Variants in RFC5 observed in about 807,000 individuals in gnomAD.
RFC5 encodes A1 36 kDa subunit.
In RFC5, 26 loss-of-function variants were observed where a neutral mutation model predicts 44.3. The ratio of observed to expected loss-of-function variants is 0.59; its 90% CI spans 0.43 to 0.81. The LOEUF is 0.81. RFC5 is among the 40% of genes least tolerant of loss of function. The pLI is 0.00. For synonymous variants in RFC5, 155 were observed against 155.2 expected (o/e 1.00, Z 0.01); for missense variants, 328 against 418.6 (o/e 0.78, Z 1.89).
At chr12:118,023,822 T>C (rs2030722717) in intron 5 of RFC5, among the ~76,000 whole-genome samples, 1 of 150,840 alleles carries the variant, frequency 6.6e-6, no homozygotes, top group South Asian at 2.1e-4. Flanking sequence ...AGTCTCATAG[T>C]CTTAATGGGA....
At position 118,027,934 on chromosome 12, in the gene RFC5, G is replaced by A. The variant is rs1263466625; in HGVS notation, c.794-19G>A. On this transcript the variant is annotated intron_variant, in intron 8 of 10. Coordinates refer to ENST00000454402, the MANE Select transcript of RFC5 (RefSeq NM_007370.7). The stretch of plus-strand genomic sequence containing the variant: ...GTTTGTTCTGGAACTTGTTCCCTTT[G>A]CCTTAACTGCTCCTCTAGATATTAC... 1 of 1,533,418 alleles carries A rather than the reference G, an allele frequency of 6.5e-7. No homozygotes were observed. The highest frequency in any genetic ancestry group is 9.0e-7 in the Non-Finnish European group (1 of 1,107,370). 95.0% of individuals were successfully genotyped at this position (1,533,418 alleles called of 1,614,324 possible). A position where few individuals can be genotyped will look rare whatever the true frequency, so the allele number is the denominator to read the frequency against.
rs528409109 is a variant in RFC5 at position 118,022,525 on chromosome 12, C to T, written c.421+166C>T. ...TGTCACCCAGGTTGGAGTGCAGTGG[C>T]GCAATCTTGGCTCACTGCAGCCTCT... On this transcript the variant is annotated intron_variant, in intron 5 of 10. Transcript: ENST00000454402. Among the ~76,000 whole-genome samples, 24 of 151,658 alleles carry T rather than the reference C, an allele frequency of 1.6e-4. No homozygotes were observed. In the South Asian group the frequency reaches 2.9e-3, roughly 18 times the overall value.
At chr12:118,034,677 C>T, downstream of RFC5, 1 of 491,182 alleles carries the variant, frequency 2.0e-6, no homozygotes, top group Non-Finnish European at 3.6e-6. Flanking sequence ...TAGATGTTAC[C>T]TGTAAAGTGG....
At chr12:118,035,395 G>T, downstream of RFC5, 2 of 1,415,752 alleles carry the variant, frequency 1.4e-6, no homozygotes, top group South Asian at 1.2e-5. Context: ...ATCACCCTAG[G>T]CAGGAAGCCA....
At chr12:118,035,052 G>A (rs1380046425), downstream of RFC5, 1 of 1,614,190 alleles carries the variant, frequency 6.2e-7, no homozygotes, top group Non-Finnish European at 8.5e-7. Context: ...AGGAGCAAAT[G>A]CAATGGGAGT....
At chr12:118,022,430 G>T (rs1277143398) in intron 5 of RFC5, 71 bp downstream of exon 5, 3 of 1,064,752 alleles carry the variant, frequency 2.8e-6, no homozygotes, top group Admixed American at 2.0e-5. Flanking sequence ...CTTTGTGTTT[G>T]TTGCTGTTGT....
intron 8 of RFC5, 109 bp downstream of exon 8, chr12:118,027,127 G>A (rs920322758): frequency 1.9e-5 from 21 of 1,129,262 alleles, no homozygotes; most frequent in East Asian, 4.7e-5. Flanking sequence ...GGCTGCAGGC[G>A]ACTCTGGTCA....
chr12:118,016,951 G>T, intron 1 of RFC5, 59 bp downstream of exon 1: 1 of 1,431,286 alleles, frequency 7.0e-7, no homozygotes, highest in East Asian at 2.3e-5. Context: ...GCGCGGGGAG[G>T]AGGTGGCTGG....
Position 118,026,947 on chromosome 12 carries a change from A to G in RFC5, c.722A>G (p.His241Arg), listed in dbSNP as rs2030987809. 6.2e-7 allele frequency: 1 copy of G among 1,614,060 alleles called. No individual in the cohort carries two copies. The highest frequency in any genetic ancestry group is 8.5e-7 in the Non-Finnish European group (1 of 1,179,994). The change falls in exon 8 of 11, where the codon CAC becomes CGC. Residue 241 changes from histidine to arginine, a missense_variant. Transcript: ENST00000454402. ...TEETVYTCTG[H>R]PLKSDIANIL... Reference sequence around the variant, plus strand: ...GAGACTGTCTACACCTGCACCGGGCACCCGCTCAAGTCAGACATTGCCAAC... The same window carrying G: ...GAGACTGTCTACACCTGCACCGGGCGCCCGCTCAAGTCAGACATTGCCAAC...
chr12:118,036,541 C>G (rs1392281019), downstream of RFC5: 1 of 1,589,386 alleles, frequency 6.3e-7, no homozygotes, highest in Admixed American at 1.7e-5. Context: ...CTGGTTAGGG[C>G]AGAAGCAAAG....
chr12:118,019,856 G>A lies in RFC5; in HGVS notation c.267+88G>A, dbSNP rs1258804992. On this transcript the variant is annotated intron_variant, in intron 3 of 10. Transcript: ENST00000454402. The surrounding 1 kb of genome is among the most constrained non-coding windows in gnomAD (Gnocchi z 4.2). ...CTGCTGGTTTTATTTTACTTTAAAAGTAAGTTGCCCCACGGACAGTTAGGA... is the reference window on the plus strand; with the variant it reads ...CTGCTGGTTTTATTTTACTTTAAAAATAAGTTGCCCCACGGACAGTTAGGA... 8.1e-6 allele frequency: 9 copies of A among 1,114,520 alleles called. No homozygotes were observed. The highest frequency in any genetic ancestry group is 1.6e-5 in the African/African-American group (1 of 63,556). The allele number at this position is 1,114,520 out of a possible 1,614,324, so 69.0% of individuals were successfully genotyped here.
intron 1 of RFC5, among the ~76,000 whole-genome samples, chr12:118,018,545 G>A (rs1430809774): frequency 6.6e-6 from 1 of 152,046 alleles, no homozygotes; most frequent in Non-Finnish European, 1.5e-5. Flanking sequence ...GGAACCACTG[G>A]TCTGTTCAAA....
downstream of RFC5, chr12:118,034,616 A>G: frequency 2.2e-6 from 1 of 448,034 alleles, no homozygotes; most frequent in African/African-American, 2.0e-5. Context: ...TCTAAATCTG[A>G]CCACAGTTAG....
At chr12:118,034,583 G>GCTCTC, downstream of RFC5, 1 of 537,440 alleles carries the variant, frequency 1.9e-6, no homozygotes, top group Non-Finnish European at 3.2e-6. Flanking sequence ...CGCTCTCTCT[G>GCTCTC]TCTCTCTCTC....
chr12:118,024,129 C>T (rs902741461), intron 5 of RFC5, among the ~76,000 whole-genome samples: 1 of 152,020 alleles, frequency 6.6e-6, no homozygotes, highest in Non-Finnish European at 1.5e-5. Flanking sequence ...ATCATGAGGT[C>T]AGGAGATCGA....
chr12:118,035,287 C>T (rs766702574), downstream of RFC5: 26 of 1,614,034 alleles, frequency 1.6e-5, no homozygotes, highest in Non-Finnish European at 1.8e-5. Context: ...CTAATGTGGA[C>T]GTCACTGTCA....
intron 5 of RFC5, 119 bp from the exon 6 acceptor site, chr12:118,024,732 G>T: frequency 1.2e-6 from 1 of 820,502 alleles, no homozygotes; most frequent in South Asian, 1.7e-5. Context: ...ATCCTCACTT[G>T]TTTGCAGTAT....
intron 9 of RFC5, among the ~76,000 whole-genome samples, chr12:118,028,476 T>G (rs2031098231): frequency 6.8e-6 from 1 of 146,378 alleles, no homozygotes; most frequent in Non-Finnish European, 1.5e-5. Flanking sequence ...AGAGCTAGAG[T>G]TTGTCTCAAA....
Sources: gnomAD v4.1 joint callset for allele counts (sites outside exome capture counted in the v4.1 genomes callset) on GRCh38, gnomAD v4.1.1 for gene constraint, Gnocchi (gnomAD v3.1) non-coding constraint, MANE v1.5 for transcripts, NCBI Gene and HGNC (gene_info 2026-07-23, HGNC 2026-07-21) for gene names.